DAB1: variants seen among roughly 807,000 people sequenced by gnomAD.
DAB1 encodes the protein disabled homolog 1.
Under a neutral mutation model 64.6 loss-of-function variants are expected in DAB1, and 15 were observed. The ratio of observed to expected loss-of-function variants is 0.23; its 90% CI spans 0.16 to 0.36. The LOEUF is 0.36. Ranked by LOEUF, DAB1 falls within the 10% of genes least tolerant of loss-of-function variation. The pLI, the probability that DAB1 is intolerant of heterozygous loss-of-function variation, is 1.00. For synonymous variants in DAB1, 235 were observed against 251.9 expected (o/e 0.93, Z 0.64); for missense variants, 596 against 706.7 (o/e 0.84, Z 1.78).
Position 57,157,100 on chromosome 1 carries a change from C to T in DAB1, c.68-11671G>A, listed in dbSNP as rs201143707. ...GTAAATGGCCTCCCACTCCAGGCTG[C>T]GCTCTAAAGACCATTAATGGCCAAA... On this transcript the variant is annotated intron_variant, in intron 2 of 14. Transcript: ENST00000371236. Among the ~76,000 whole-genome samples the T allele has an allele frequency of 9.9e-5, 15 of 152,158 alleles. No homozygotes were observed. The East Asian group carries it at 1.7e-3, about 18-fold the overall frequency.
rs535484512 is a variant in DAB1 at position 58,425,520 on chromosome 1, G to A, written n.257+80540C>T. 6.6e-5 allele frequency among the ~76,000 whole-genome samples: 10 copies of A among 152,286 alleles called. No individual in the cohort carries two copies. In the South Asian group the frequency reaches 8.3e-4, roughly 13 times the overall value. The stretch of plus-strand genomic sequence containing the variant: ...AGTGTTAGATGCAGATCTGAGAGAC[G>A]TCAGCAGAGAAACAGTAACTAGAGC... On this transcript the variant is annotated intron_variant and non_coding_transcript_variant, in intron 3 of 20. Transcript: ENST00000485760.
chr1:57,805,705 A>G (rs1424944221), intron 6 of DAB1, among the ~76,000 whole-genome samples: 2 of 152,158 alleles, frequency 1.3e-5, no homozygotes, highest in African/African-American at 4.8e-5. Context: ...CACACTTAAC[A>G]TGCCCATGAC....
chr1:58,173,219 C>T (rs1172418436), intron 4 of DAB1, among the ~76,000 whole-genome samples: 1 of 152,198 alleles, frequency 6.6e-6, no homozygotes, highest in Non-Finnish European at 1.5e-5. Flanking sequence ...AGTTTTCTCC[C>T]CTTGGGGTGG....
chr1:57,740,310 G>T (rs906794805), intron 6 of DAB1, among the ~76,000 whole-genome samples: 3 of 152,118 alleles, frequency 2.0e-5, no homozygotes, highest in Non-Finnish European at 4.4e-5. Flanking sequence ...AAATATTGGG[G>T]TAGTAGACAA....
chr1:57,565,379 A>C (rs1027635068), intron 7 of DAB1, among the ~76,000 whole-genome samples: 7 of 152,220 alleles, frequency 4.6e-5, no homozygotes, highest in Admixed American at 1.3e-4. Context: ...CGAGCAAAAT[A>C]ACCAGCTAAC....
At chr1:57,140,079 A>C (rs1414104164) in intron 3 of DAB1, among the ~76,000 whole-genome samples, 3 of 152,162 alleles carry the variant, frequency 2.0e-5, no homozygotes, top group African/African-American at 7.2e-5. Flanking sequence ...TCATCTCCCC[A>C]CAAGATTATT....
intron 3 of DAB1, among the ~76,000 whole-genome samples, chr1:58,505,172 G>C (rs1037664229): frequency 6.6e-6 from 1 of 152,028 alleles, no homozygotes; most frequent in African/African-American, 2.4e-5. Context: ...GGCTGGTCTC[G>C]AACTCCTGAC....
At chr1:57,192,972 A>G (rs1057015184) in intron 2 of DAB1, among the ~76,000 whole-genome samples, 17 of 152,196 alleles carry the variant, frequency 1.1e-4, no homozygotes, top group African/African-American at 3.9e-4. Flanking sequence ...TACAGTGTAC[A>G]ACATGATGTT....
intron 6 of DAB1, among the ~76,000 whole-genome samples, chr1:57,674,698 C>T (rs1250193273): frequency 6.6e-6 from 1 of 152,066 alleles, no homozygotes; most frequent in Non-Finnish European, 1.5e-5. Context: ...CCTCAGTCAC[C>T]AATATAAATA....
chr1:57,299,329 T>C (rs960753821), intron 1 of DAB1, among the ~76,000 whole-genome samples: 3 of 152,206 alleles, frequency 2.0e-5, no homozygotes, highest in Non-Finnish European at 4.4e-5. Context: ...TGTGAAAGTA[T>C]TTTTGGAAAA....
chr1:56,999,093 C>T (rs1381332896), intron 14 of DAB1, among the ~76,000 whole-genome samples: 1 of 151,658 alleles, frequency 6.6e-6, no homozygotes, highest in Admixed American at 6.6e-5. Flanking sequence ...ATTAGCTTGT[C>T]CCCTGCCTTG....
At position 57,016,929 on chromosome 1, in the gene DAB1, G is replaced by A. The variant is rs149850240; in HGVS notation, c.896-1498C>T. 3.5e-3 allele frequency among the ~76,000 whole-genome samples: 540 copies of A among 152,238 alleles called. 3 individuals are homozygous for A. Among genetic ancestry groups the A allele is most frequent in the African/African-American group, 0.012 (493 of 41,546 alleles). ...AGGGATGAAGAAATTGGTGCTCAAG[G>A]AAAAGCAACTTGCTCAGGGTCATAC... On this transcript the variant is annotated intron_variant, in intron 11 of 14. Coordinates refer to ENST00000371236, the MANE Select transcript of DAB1 (RefSeq NM_001365792.1).
At chr1:58,505,148 C>A (rs1468095027) in intron 3 of DAB1, among the ~76,000 whole-genome samples, 2 of 152,142 alleles carry the variant, frequency 1.3e-5, no homozygotes, top group Non-Finnish European at 2.9e-5. Context: ...GACAGGGTTT[C>A]ACCCCGTTGG....
At chr1:57,883,277 A>G (rs1275094278) in intron 1 of DAB1, among the ~76,000 whole-genome samples, 1 of 152,232 alleles carries the variant, frequency 6.6e-6, no homozygotes, top group Admixed American at 6.5e-5. Context: ...GACTTAATCA[A>G]TTCAAATGGC....
At chr1:57,159,856 C>CAAAAAAAAAAAAAAAAAAAA (rs398049302) in intron 2 of DAB1, among the ~76,000 whole-genome samples, 2 of 86,352 alleles carry the variant, frequency 2.3e-5, no homozygotes, top group African/African-American at 4.2e-5. Context: ...AGCAGCAAGA[C>CAAAAAAAAAAAAAAAAAAAA]AAAAAAAAAA....
At chr1:57,340,632 C>T (rs912545474) in intron 1 of DAB1, among the ~76,000 whole-genome samples, 3 of 150,406 alleles carry the variant, frequency 2.0e-5, no homozygotes, top group African/African-American at 7.4e-5. Flanking sequence ...CTGGCTAGCC[C>T]AGGTCAGTGT....
At chr1:57,952,723 C>T (rs553676851) in intron 5 of DAB1, among the ~76,000 whole-genome samples, 1 of 152,198 alleles carries the variant, frequency 6.6e-6, no homozygotes, top group East Asian at 1.9e-4. Flanking sequence ...GGAAAAAAGC[C>T]AAGAAGACAC....
rs575874573 is a variant in DAB1, at chr1:57,283,795, C to G, written c.67+7169G>C. Among the ~76,000 whole-genome samples, 3 of 152,304 alleles carry G rather than the reference C, an allele frequency of 2.0e-5. 1 individual carries two copies. Among genetic ancestry groups the G allele is most frequent in the African/African-American group, 7.2e-5 (3 of 41,576 alleles). On this transcript the variant is annotated intron_variant, in intron 2 of 14. Transcript: ENST00000371236. The stretch of plus-strand genomic sequence containing the variant: ...TCTACTGAGTGGAAGGAGCTCCAGC[C>G]AGGGAGCCATTCCTGGGTTGCAACC...
rs1167855742 is a variant in DAB1, at chr1:58,313,294, T to A, written n.309+30058A>T. Among the ~76,000 whole-genome samples the A allele has an allele frequency of 2.0e-5, 3 of 152,098 alleles. No homozygotes were observed. The East Asian group carries it at 5.8e-4, about 29-fold the overall frequency. ...AATTGTAGGGGGAAAATGTGGCACT[T>A]TGGGGCTAGTAGTAGGTGGGGCTCC... On this transcript the variant is annotated intron_variant and non_coding_transcript_variant, in intron 4 of 20. Transcript: ENST00000485760.
Sources: allele counts gnomAD v4.1 joint callset (sites outside exome capture counted in the v4.1 genomes callset), GRCh38; gene constraint gnomAD v4.1.1; transcripts MANE v1.5; gene names NCBI Gene and HGNC (gene_info 2026-07-23, HGNC 2026-07-21).